ZMAT4: variants seen among roughly 807,000 people sequenced by gnomAD.
ZMAT4 encodes zinc finger matrin-type 4.
A neutral mutation model predicts 28.7 loss-of-function variants in ZMAT4; 17 were observed. That is an observed-to-expected ratio of 0.59 (90% CI 0.41 to 0.89). The LOEUF (loss-of-function observed/expected upper bound fraction) is 0.89. ZMAT4 is among the 40% of genes least tolerant of loss of function. The pLI is 0.00. For missense variants in ZMAT4, 240 were observed against 283.8 expected, an observed-to-expected ratio of 0.85 and a Z score of 1.11; for synonymous variants, 117 against 109.2, an observed-to-expected ratio of 1.07 and a Z score of -0.44.
intron 1 of ZMAT4, among the ~76,000 whole-genome samples, chr8:40,852,101 G>C (rs1246994966): frequency 1.3e-5 from 2 of 152,038 alleles, no homozygotes; most frequent in African/African-American, 2.4e-5. Flanking sequence ...GGCCAGGCTA[G>C]TCTTGAACTC....
chr8:40,732,834 C>CTTTTTTTTTTTTTT (rs11461186), intron 3 of ZMAT4, among the ~76,000 whole-genome samples: 1 of 67,078 alleles, frequency 1.5e-5, no homozygotes, highest in African/African-American at 5.7e-5. Flanking sequence ...GCAAGACCTC[C>CTTTTTTTTTTTTTT]TTTTTTTTTT....
chr8:40,730,123 T>C (rs1811475053), intron 3 of ZMAT4, among the ~76,000 whole-genome samples: 1 of 152,182 alleles, frequency 6.6e-6, no homozygotes. Context: ...AATGAAACAT[T>C]TATCACAATT....
At position 40,545,950 on chromosome 8, in the gene ZMAT4, T is replaced by TAAA. The variant is rs36053017; in HGVS notation, c.675-13715_675-13713dup. Among the ~76,000 whole-genome samples, 793 of 132,862 alleles carry TAAA rather than the reference T, an allele frequency of 6.0e-3. 10 individuals are homozygous for TAAA. The highest frequency in any genetic ancestry group is 0.016 in the African/African-American group (579 of 35,504). The allele number at this position is 132,862 out of a possible 152,430, so 87.2% of individuals were successfully genotyped here. A position where few individuals can be genotyped will look rare whatever the true frequency, so the allele number is the denominator to read the frequency against. Reference sequence around the variant, plus strand: ...CTGACCCCCTCACCCTGAAGCCCAGTAAAAAAAAAAAAAAAAAGTCTATAT... The same window carrying TAAA: ...CTGACCCCCTCACCCTGAAGCCCAGTAAAAAAAAAAAAAAAAAAAAGTCTATAT... On this transcript the variant is annotated intron_variant, in intron 6 of 6. Coordinates refer to ENST00000297737, the MANE Select transcript of ZMAT4 (RefSeq NM_024645.3).
At chr8:40,608,024 G>T (rs1365032141) in intron 5 of ZMAT4, among the ~76,000 whole-genome samples, 1 of 152,102 alleles carries the variant, frequency 6.6e-6, no homozygotes, top group Non-Finnish European at 1.5e-5. Context: ...GCCAGGAGGT[G>T]ACTCTTTCAA....
intron 3 of ZMAT4, among the ~76,000 whole-genome samples, chr8:40,721,126 C>G (rs1811072215): frequency 8.6e-6 from 1 of 116,572 alleles, no homozygotes; most frequent in Non-Finnish European, 1.7e-5. Context: ...TATCCCTCCC[C>G]CCTCCCCCCA....
At chr8:40,638,883 A>T (rs1468367456) in intron 5 of ZMAT4, among the ~76,000 whole-genome samples, 1 of 152,268 alleles carries the variant, frequency 6.6e-6, no homozygotes, top group African/African-American at 2.4e-5. Context: ...TATAAATATT[A>T]AGTCAACAGA....
At chr8:40,577,776 G>A (rs918048298) in intron 6 of ZMAT4, among the ~76,000 whole-genome samples, 1 of 151,604 alleles carries the variant, frequency 6.6e-6, no homozygotes, top group Non-Finnish European at 1.5e-5. Context: ...AACAATAATA[G>A]ATTTTAATTA....
At chr8:40,589,981 C>CTTCCTTCCTTCT (rs1804831084) in intron 5 of ZMAT4, among the ~76,000 whole-genome samples, 1 of 97,292 alleles carries the variant, frequency 1.0e-5, no homozygotes, top group Admixed American at 1.2e-4. Context: ...CCCTTCCTTC[C>CTTCCTTCCTTCT]TTCCTTCCTT....
rs183692608 is a variant in ZMAT4 at position 40,874,788 on chromosome 8, T to C, written c.-5+22895A>G. Among the ~76,000 whole-genome samples, 17 of 152,346 alleles carry C rather than the reference T, an allele frequency of 1.1e-4. No homozygotes were observed. In the East Asian group the frequency reaches 3.1e-3, roughly 28 times the overall value. ...AGTGGCCCAAGCCCTTTCCTAATTATAACTCTTGGTCTGAGCTGATTGGAC... is the reference window on the plus strand; with the variant it reads ...AGTGGCCCAAGCCCTTTCCTAATTACAACTCTTGGTCTGAGCTGATTGGAC... On this transcript the variant is annotated intron_variant, in intron 1 of 6. Transcript: ENST00000297737.
chr8:40,547,159 C>T (rs545724840), intron 6 of ZMAT4, among the ~76,000 whole-genome samples: 30 of 152,288 alleles, frequency 2.0e-4, no homozygotes, highest in Non-Finnish European at 7.3e-5. Context: ...AGCGGGCTTG[C>T]GTGTGTCACC....
At position 40,667,852 on chromosome 8, in the gene ZMAT4, C is replaced by A. The variant is rs201227607; in HGVS notation, c.577+6852G>T. 6.8e-3 allele frequency among the ~76,000 whole-genome samples: 916 copies of A among 134,722 alleles called. 14 individuals carry two copies. Among genetic ancestry groups the A allele is most frequent in the African/African-American group, 0.018 (642 of 36,088 alleles). The allele number at this position is 134,722 out of a possible 152,430, so 88.4% of individuals were successfully genotyped here. On this transcript the variant is annotated intron_variant, in intron 5 of 6. Coordinates refer to ENST00000297737, the MANE Select transcript of ZMAT4 (RefSeq NM_024645.3). ...CATTATTTAAAAAAAAAAAAAACAA[C>A]AAAAAAAAAAACCAAGAAAAAGAAA...
At chr8:40,622,959 C>T (rs1806251075) in intron 5 of ZMAT4, among the ~76,000 whole-genome samples, 1 of 152,108 alleles carries the variant, frequency 6.6e-6, no homozygotes, top group South Asian at 2.1e-4. Flanking sequence ...AAGGCCAACT[C>T]AAGTGTTGTG....
At chr8:40,894,391 A>C (rs1818799105) in intron 1 of ZMAT4, among the ~76,000 whole-genome samples, 1 of 152,102 alleles carries the variant, frequency 6.6e-6, no homozygotes, top group African/African-American at 2.4e-5. Flanking sequence ...TGCACAAAAC[A>C]TCTACAATTA....
rs965002121 is a variant in ZMAT4 at position 40,890,842 on chromosome 8, G to A, written c.-5+6841C>T. On this transcript the variant is annotated intron_variant, in intron 1 of 6. Transcript: ENST00000297737. ...ATGCGCTGGATGGAGTTTTGCTACC[G>A]TGGCTCCCTCTTTCTTACCCTCCTC... Among the ~76,000 whole-genome samples the A allele has an allele frequency of 1.1e-4, 17 of 151,874 alleles. No homozygotes were observed. The East Asian group carries it at 2.8e-3, about 25-fold the overall frequency.
At chr8:40,595,201 T>C (rs1385023223) in intron 5 of ZMAT4, among the ~76,000 whole-genome samples, 2 of 152,168 alleles carry the variant, frequency 1.3e-5, no homozygotes, top group African/African-American at 4.8e-5. Flanking sequence ...ATGCCATTTG[T>C]GCTCTAGGGT....
intron 5 of ZMAT4, among the ~76,000 whole-genome samples, chr8:40,667,852 C>CA (rs371430045): frequency 0.14 from 18,824 of 134,690 alleles, 1,174 homozygotes; most frequent in Middle Eastern, 0.21. Context: ...AAAAAAACAA[C>CA]AAAAAAAAAA....
chr8:40,854,012 G>GA (rs1006436490), intron 1 of ZMAT4, among the ~76,000 whole-genome samples: 1 of 152,178 alleles, frequency 6.6e-6, no homozygotes, highest in Admixed American at 6.5e-5. Flanking sequence ...GGTGAAGGGG[G>GA]AGCAGTGAGT....
intron 1 of ZMAT4, chr8:40,888,408 A>G (rs947010742): frequency 2.0e-5 from 3 of 152,300 alleles, no homozygotes; most frequent in Non-Finnish European, 4.4e-5. Flanking sequence ...TTGTAAATAC[A>G]AAACACCACA....
intron 3 of ZMAT4, among the ~76,000 whole-genome samples, chr8:40,756,880 T>A (rs752198294): frequency 2.0e-5 from 3 of 152,158 alleles, no homozygotes; most frequent in Admixed American, 1.3e-4. Context: ...CTGTTAGCAC[T>A]GAGCTCACGG....
Sources: allele counts gnomAD v4.1 joint callset (sites outside exome capture counted in the v4.1 genomes callset), GRCh38; gene constraint gnomAD v4.1.1; transcripts MANE v1.5; gene names NCBI Gene and HGNC (gene_info 2026-07-23, HGNC 2026-07-21).